The following TRANK1 variants were observed in gnomAD, a reference collection of about 807,000 sequenced individuals.
TRANK1 encodes tetratricopeptide repeat and ankyrin repeat containing 1, also known as TPR and ankyrin repeat-containing protein 1.
In TRANK1, 198 loss-of-function variants were observed where a neutral mutation model predicts 266.0. That is an observed-to-expected ratio of 0.74 (90% CI 0.66 to 0.84). TRANK1 has a LOEUF of 0.84. Ranked by LOEUF, TRANK1 falls within the 40% of genes least tolerant of loss-of-function variation. TRANK1 has a pLI of 0.00. For synonymous variants in TRANK1, 1,396 were observed against 1,384.1 expected (o/e 1.01, Z -0.19); for missense variants, 3,326 against 3,634.6 (o/e 0.92, Z 2.18).
chr3:36,894,184 A>G (rs1247883259), intron 5 of TRANK1, among the ~76,000 whole-genome samples: 2 of 152,168 alleles, frequency 1.3e-5, no homozygotes, highest in African/African-American at 4.8e-5. Context: ...TGGCTGGGAT[A>G]ATAATCTATT....
intron 1 of TRANK1, among the ~76,000 whole-genome samples, chr3:36,931,088 A>G (rs561167907): frequency 3.9e-5 from 6 of 152,338 alleles, no homozygotes; most frequent in African/African-American, 9.6e-5. Flanking sequence ...AACTGACTCT[A>G]CTTCTGGGAA....
At chr3:36,900,701 C>A (rs990317984) in intron 3 of TRANK1, among the ~76,000 whole-genome samples, 6 of 151,454 alleles carry the variant, frequency 4.0e-5, no homozygotes, top group African/African-American at 1.5e-4. Flanking sequence ...CATAGTGAGA[C>A]CCTGTCTCTA....
chr3:36,943,211 A>C (rs2080521623), intron 1 of TRANK1, among the ~76,000 whole-genome samples: 1 of 151,496 alleles, frequency 6.6e-6, no homozygotes, highest in African/African-American at 2.4e-5. Context: ...GGGGGGAGGG[A>C]ATAGAATGGA....
At chr3:36,843,642 G>A (rs2078878358) in intron 17 of TRANK1, among the ~76,000 whole-genome samples, 2 of 147,972 alleles carry the variant, frequency 1.4e-5, no homozygotes, top group South Asian at 4.3e-4. Flanking sequence ...ATCCCTGCAA[G>A]TTCTGAGCCA....
Position 36,856,301 on chromosome 3 carries a change from C to T in TRANK1, c.3421G>A (p.Glu1141Lys), listed in dbSNP as rs370871856. Residue 1141 changes from glutamate (E) to lysine (K), a missense_variant, in exon 13 of 24, where the codon GAG (glutamate) becomes AAG (lysine). Physicochemically the swap from Glu to Lys is moderately conservative, Grantham distance 56 (BLOSUM62 1). Transcript: ENST00000645898. Reference sequence around the variant, plus strand: ...GTTTCCACTTCAATAGAATCTTCCTCTTCCTCGTCCTCTTCCTCCTCCTCT... The same window carrying T: ...GTTTCCACTTCAATAGAATCTTCCTTTTCCTCGTCCTCTTCCTCCTCCTCT... The part of the protein sequence containing the change: ...EEEEEEEDEE[E>K]EDSIEVETVE... 6.3e-7 allele frequency: 1 copy of T among 1,582,574 alleles called. No homozygotes were observed. Among genetic ancestry groups the T allele is most frequent in the Admixed American group, 1.9e-5 (1 of 53,646 alleles).
In TRANK1 at chr3:36,856,914, C is replaced by A. The variant is rs374314645; in HGVS notation, c.2808G>T (p.Thr936=). The part of the protein sequence containing the change: ...CAMEKSGRIY[T]EIIRIWDIVL... Reference sequence around the variant, plus strand: ...CGATGTCCCAAATCCGGATGATTTCCGTGTAGATCCGCCCTGATTTCTCCA... The same window carrying A: ...CGATGTCCCAAATCCGGATGATTTCAGTGTAGATCCGCCCTGATTTCTCCA... Residue 936 remains threonine, a synonymous_variant, in exon 13 of 24, where the codon ACG becomes ACT. Coordinates refer to ENST00000645898, the MANE Select transcript of TRANK1 (RefSeq NM_001329998.2). The A allele has an allele frequency of 2.5e-6, 4 of 1,613,852 alleles. No individual in the cohort carries two copies. In the South Asian group the frequency reaches 4.4e-5, roughly 18 times the overall value.
intron 1 of TRANK1, among the ~76,000 whole-genome samples, chr3:36,917,465 C>G (rs951387733): frequency 6.6e-6 from 1 of 152,146 alleles, no homozygotes; most frequent in Non-Finnish European, 1.5e-5. Flanking sequence ...GCAGGAGACA[C>G]AGAGAACCAT....
chr3:36,886,394 A>G (rs2125597401), intron 8 of TRANK1, among the ~76,000 whole-genome samples: 1 of 151,660 alleles, frequency 6.6e-6, no homozygotes, highest in African/African-American at 2.4e-5. Flanking sequence ...TACAGGCATG[A>G]GCCACCACAC....
chr3:36,839,039 T>C (rs953543909), intron 18 of TRANK1, among the ~76,000 whole-genome samples: 1 of 152,246 alleles, frequency 6.6e-6, no homozygotes, highest in Non-Finnish European at 1.5e-5. Context: ...TCTCATTGTA[T>C]ATAGTTGCTA....
intron 9 of TRANK1, among the ~76,000 whole-genome samples, chr3:36,866,162 GGTATCAAAAA>G (rs1488953951): frequency 6.6e-6 from 1 of 151,968 alleles, no homozygotes; most frequent in African/African-American, 2.4e-5. Flanking sequence ...TTTTTTATTA[GGTATCAAAAA>G]GTATTGTTAA....
Position 36,856,971 on chromosome 3 carries a change from C to T in TRANK1, c.2751G>A (p.Lys917=), listed in dbSNP as rs1343105370. The change falls in exon 13 of 24, where the codon AAG becomes AAA. Residue 917 remains lysine, a synonymous_variant. Transcript: ENST00000645898. ...ACGTGTTCTGCTCCGTGGCAATGAT[C>T]TTCTCAGGGTTCTCACTGCATCGAG... ...FSPRCSENPE[K]IIATEQNTCA... The T allele has an allele frequency of 6.2e-7, 1 of 1,613,892 alleles. No homozygotes were observed. The highest frequency in any genetic ancestry group is 2.2e-5 in the East Asian group (1 of 44,858).
Position 36,892,219 on chromosome 3 carries a change from C to T in TRANK1, c.758G>A (p.Arg253Gln). The T allele has an allele frequency of 2.0e-6, 3 of 1,536,856 alleles. No homozygotes were observed. The highest frequency in any genetic ancestry group is 3.9e-5 in the Admixed American group (2 of 50,980). ...IGPYPLHALM[R>Q]LCIQARENHL... is the part of the protein sequence containing the mutation. The stretch of plus-strand genomic sequence containing the variant: ...AGACTCACTGGCTTGGATACAGAGT[C>T]GCATGAGGGCATGAAGGGGATACGG... Residue 253 changes from arginine to glutamine, a missense_variant, in exon 7 of 24, where the codon CGA (arginine) becomes CAA (glutamine). Transcript: ENST00000645898.
chr3:36,850,685 A>G, intron 15 of TRANK1: 1 of 950,946 alleles, frequency 1.1e-6, no homozygotes, highest in Non-Finnish European at 1.3e-6. Flanking sequence ...GGAGTGAGAC[A>G]ATGACTTCAA....
chr3:36,897,056 C>A (rs933582492), intron 4 of TRANK1, among the ~76,000 whole-genome samples: 1 of 152,142 alleles, frequency 6.6e-6, no homozygotes, highest in African/African-American at 2.4e-5. Context: ...AATCCCAGCA[C>A]TTTGGGAGGC....
chr3:36,857,796 G>A lies in TRANK1; in HGVS notation c.1926C>T (p.Leu642=). The change falls in exon 13 of 24, where the codon CTC becomes CTT. Residue 642 remains leucine, a synonymous_variant. Coordinates refer to ENST00000645898, the MANE Select transcript of TRANK1 (RefSeq NM_001329998.2). This position sits in a 1 kb window ranked among gnomAD's most constrained non-coding sequence, Gnocchi z 4.3. ...CCATCAGAGCTTTGTTCCAGGCCAAGAGCAGAGAGTCGTTCTTCTTAATCC... is the reference window on the plus strand; with the variant it reads ...CCATCAGAGCTTTGTTCCAGGCCAAAAGCAGAGAGTCGTTCTTCTTAATCC... The part of the protein sequence containing the change: ...RHRIKKNDSL[L]LAWNKALMEN... 1 of 1,614,002 alleles carries A rather than the reference G, an allele frequency of 6.2e-7. No individual in the cohort carries two copies. Among genetic ancestry groups the A allele is most frequent in the South Asian group, 1.1e-5 (1 of 91,082 alleles).
chr3:36,928,638 C>T (rs1041160137), intron 1 of TRANK1, among the ~76,000 whole-genome samples: 14 of 152,134 alleles, frequency 9.2e-5, no homozygotes, highest in South Asian at 2.1e-4. Context: ...GATATAGACA[C>T]AGATTTTCAA....
At chr3:36,944,732 G>T in intron 1 of TRANK1, 55 bp downstream of exon 1, 1 of 1,496,510 alleles carries the variant, frequency 6.7e-7, no homozygotes, top group South Asian at 1.2e-5. Flanking sequence ...CGCCAGGAAG[G>T]GTGGCGGGCC....
intron 20 of TRANK1, among the ~76,000 whole-genome samples, chr3:36,837,365 C>T (rs1177239352): frequency 2.0e-5 from 3 of 152,172 alleles, no homozygotes; most frequent in African/African-American, 4.8e-5. Flanking sequence ...TCCTCTTCTT[C>T]GCATTGACTT....
intron 23 of TRANK1, among the ~76,000 whole-genome samples, chr3:36,829,251 A>G (rs2078664609): frequency 6.6e-6 from 1 of 152,158 alleles, no homozygotes; most frequent in South Asian, 2.1e-4. Flanking sequence ...TAGCTTCACA[A>G]TGCTTTGTCC....
Sources: gnomAD v4.1 joint callset for allele counts (sites outside exome capture counted in the v4.1 genomes callset) on GRCh38, gnomAD v4.1.1 for gene constraint, Gnocchi (gnomAD v3.1) non-coding constraint, MANE v1.5 for transcripts, NCBI Gene and HGNC (gene_info 2026-07-23, HGNC 2026-07-21) for gene names.